Variants in FIGN observed in about 807,000 individuals in gnomAD.
The protein encoded by FIGN is fidgetin.
Under a neutral mutation model 51.3 loss-of-function variants are expected in FIGN, and 11 were observed. The ratio of observed to expected loss-of-function variants is 0.21; its 90% confidence interval spans 0.13 to 0.35. FIGN has a LOEUF of 0.35. Ranked by LOEUF, FIGN falls within the 10% of genes least tolerant of loss-of-function variation. The pLI, the probability that FIGN is intolerant of heterozygous loss-of-function variation, is 1.00. For missense variants in FIGN, 857 were observed against 943.6 expected, an observed-to-expected ratio of 0.91 and a Z score of 1.20; for synonymous variants, 407 against 363.2, an observed-to-expected ratio of 1.12 and a Z score of -1.37.
chr2:163,677,316 C>A (rs1297834901), intron 2 of FIGN, among the ~76,000 whole-genome samples: 1 of 152,168 alleles, frequency 6.6e-6, no homozygotes, highest in Non-Finnish European at 1.5e-5. Flanking sequence ...AACATCCAAG[C>A]AAATATGAAC....
At chr2:163,654,674 A>AT (rs1299053060) in intron 2 of FIGN, among the ~76,000 whole-genome samples, 1 of 152,144 alleles carries the variant, frequency 6.6e-6, no homozygotes, top group Non-Finnish European at 1.5e-5. Flanking sequence ...AGGCCGAGTT[A>AT]TTTTTCATAG....
rs755526237 is a variant in FIGN at position 163,610,178 on chromosome 2, C to A, written c.1654G>T (p.Gly552Cys). The A allele has an allele frequency of 6.2e-7, 1 of 1,614,084 alleles. No individual in the cohort carries two copies. The highest frequency in any genetic ancestry group is 8.5e-7 in the Non-Finnish European group (1 of 1,179,994). Residue 552 changes from glycine (G) to cysteine (C), a missense_variant, in exon 3 of 3, where the codon GGT becomes TGT. Physicochemically the swap from Gly to Cys is radical, Grantham distance 159. Coordinates refer to ENST00000333129, the MANE Select transcript of FIGN (RefSeq NM_018086.4). ...QLGATFFKIAGSGLVAKWLGE... is the reference protein window; with the variant it reads ...QLGATFFKIACSGLVAKWLGE... ...AACCACTTGGCGACTAGTCCAGAAC[C>A]GGCAATTTTGAAAAATGTGGCCCCC...
rs1277179615 is a variant in FIGN at position 163,647,622 on chromosome 2, TC to T, written c.26-35817del. Among the ~76,000 whole-genome samples, 21 of 152,322 alleles carry T rather than the reference TC, an allele frequency of 1.4e-4. 2 individuals are homozygous for T. In the Middle Eastern group the frequency reaches 0.024, roughly 173 times the overall value. On this transcript the variant is annotated intron_variant, in intron 2 of 2. Coordinates refer to ENST00000333129, the MANE Select transcript of FIGN (RefSeq NM_018086.4). Reference sequence around the variant, plus strand: ...CAGACTAGAACTTTAGGCTTCTGACTCCCAGTTCTGTGTTTTTCTTCCATAA... The same window carrying T: ...CAGACTAGAACTTTAGGCTTCTGACTCCAGTTCTGTGTTTTTCTTCCATAA...
intron 2 of FIGN, among the ~76,000 whole-genome samples, chr2:163,704,972 T>A (rs1230433115): frequency 2.0e-5 from 3 of 152,132 alleles, no homozygotes; most frequent in African/African-American, 7.2e-5. Context: ...CATTAAAATA[T>A]CCTCACAGAT....
In FIGN at chr2:163,660,808, TATATAC is replaced by T. The variant is rs1300429076; in HGVS notation, c.26-49008_26-49003del. Among the ~76,000 whole-genome samples the T allele has an allele frequency of 5.8e-4, 53 of 92,102 alleles. 13 individuals carry two copies. Among genetic ancestry groups the T allele is most frequent in the Non-Finnish European group, 9.7e-4 (48 of 49,682 alleles). 60.4% of individuals were successfully genotyped at this position (92,102 alleles called of 152,430 possible). A position where few individuals can be genotyped will look rare whatever the true frequency, so the allele number is the denominator to read the frequency against. On this transcript the variant is annotated intron_variant, in intron 2 of 2. Transcript: ENST00000333129. ...ATATATATGTATATAGATATACATA[TATATAC>T]ATATACATATATATGTATACATATA...
chr2:163,661,026 G>C (rs1683670491), intron 2 of FIGN, among the ~76,000 whole-genome samples: 1 of 141,182 alleles, frequency 7.1e-6, no homozygotes, highest in Non-Finnish European at 1.5e-5. Flanking sequence ...TGGTATTACA[G>C]GCGCCCGCCA....
chr2:163,726,194 A>C (rs918204539), intron 2 of FIGN, among the ~76,000 whole-genome samples: 6 of 152,126 alleles, frequency 3.9e-5, no homozygotes, highest in African/African-American at 1.4e-4. Context: ...CAGGCCATTC[A>C]GGGTCCCAAT....
chr2:163,712,547 T>C (rs564750933), intron 2 of FIGN, among the ~76,000 whole-genome samples: 10 of 152,294 alleles, frequency 6.6e-5, no homozygotes, highest in African/African-American at 2.4e-4. Flanking sequence ...AGATAACAAG[T>C]GCTATTTTAA....
At chr2:163,681,177 A>G (rs1199395987) in intron 2 of FIGN, among the ~76,000 whole-genome samples, 2 of 152,202 alleles carry the variant, frequency 1.3e-5, no homozygotes, top group Non-Finnish European at 2.9e-5. Flanking sequence ...GGGTCAATAA[A>G]TAGTTGTTGA....
Position 163,610,138 on chromosome 2 carries a change from T to C in FIGN, c.1694A>G (p.Lys565Arg), listed in dbSNP as rs2231905. 229 of 1,614,126 alleles carry C rather than the reference T, an allele frequency of 1.4e-4. No homozygotes were observed. In the African/African-American group the frequency reaches 3.0e-3, roughly 21 times the overall value. Residue 565 changes from lysine (K) to arginine (R), a missense_variant, in exon 3 of 3, where the codon AAA becomes AGA. Transcript: ENST00000333129. The part of the protein sequence containing the change: ...LVAKWLGEAE[K>R]IIHASFLVAR... ...CACAAGAAAAGAGGCATGGATAATTTTCTCTGCTTCTCCTAACCACTTGGC... is the reference window on the plus strand; with the variant it reads ...CACAAGAAAAGAGGCATGGATAATTCTCTCTGCTTCTCCTAACCACTTGGC...
intron 2 of FIGN, among the ~76,000 whole-genome samples, chr2:163,722,971 G>A (rs898870237): frequency 6.6e-6 from 1 of 151,720 alleles, no homozygotes; most frequent in Non-Finnish European, 1.5e-5. Flanking sequence ...CGGATCATGA[G>A]GTCAGGAGAT....
At position 163,604,390 on chromosome 2, in the gene FIGN, ATTTCT is replaced by A. The variant is rs1393088507; in HGVS notation, c.*5157_*5161del. On this transcript the variant is annotated 3_prime_UTR_variant, in exon 3 of 3. Coordinates refer to ENST00000333129, the MANE Select transcript of FIGN (RefSeq NM_018086.4). ...TCGATGAAGACCTACACAGTGCATA[ATTTCT>A]TTTAAGTTCTTTTAAGCAGTCTTGT... The A allele has an allele frequency of 2.6e-5, 4 of 152,066 alleles. No individual in the cohort carries two copies. Among genetic ancestry groups the A allele is most frequent in the Non-Finnish European group, 5.9e-5 (4 of 67,972 alleles). The allele number at this position is 152,066 out of a possible 1,614,324, so 9.4% of individuals were successfully genotyped here.
rs1005444649 is a variant in FIGN at position 163,607,247 on chromosome 2, C to T, written c.*2305G>A. On this transcript the variant is annotated 3_prime_UTR_variant, in exon 3 of 3. Transcript: ENST00000333129. ...TAATGTGGATATTAGAATTTCCTTA[C>T]AAGGGATGCACAGGGTAGACCCAGA... 2 of 152,180 alleles carry T rather than the reference C, an allele frequency of 1.3e-5. No homozygotes were observed. Among genetic ancestry groups the T allele is most frequent in the Non-Finnish European group, 2.9e-5 (2 of 68,036 alleles). 9.4% of individuals were successfully genotyped at this position (152,180 alleles called of 1,614,324 possible).
chr2:163,706,462 T>C (rs1036131817), intron 2 of FIGN, among the ~76,000 whole-genome samples: 1 of 152,158 alleles, frequency 6.6e-6, no homozygotes, highest in Non-Finnish European at 1.5e-5. Flanking sequence ...ATATTAAATG[T>C]GACTTCTTCT....
intron 2 of FIGN, among the ~76,000 whole-genome samples, chr2:163,627,186 C>T (rs1171135011): frequency 6.6e-6 from 1 of 152,098 alleles, no homozygotes; most frequent in African/African-American, 2.4e-5. Flanking sequence ...TCTATGGACT[C>T]GCCCAGAATT....
intron 2 of FIGN, among the ~76,000 whole-genome samples, chr2:163,716,243 A>C (rs1376793322): frequency 6.6e-6 from 1 of 152,224 alleles, no homozygotes; most frequent in Non-Finnish European, 1.5e-5. Flanking sequence ...GATGCTTCTG[A>C]ATCTTCCACA....
At chr2:163,730,379 A>G (rs1187423610) in intron 2 of FIGN, among the ~76,000 whole-genome samples, 1 of 152,216 alleles carries the variant, frequency 6.6e-6, no homozygotes, top group Non-Finnish European at 1.5e-5. Context: ...AAAAAGAAGA[A>G]AATGACAAAA....
chr2:163,711,044 G>GA (rs1278043618), intron 2 of FIGN, among the ~76,000 whole-genome samples: 6 of 151,728 alleles, frequency 4.0e-5, no homozygotes, highest in Non-Finnish European at 5.9e-5. Flanking sequence ...CACAACATAA[G>GA]AAAAAAAGCA....
intron 2 of FIGN, among the ~76,000 whole-genome samples, chr2:163,630,129 C>G (rs189989867): frequency 6.6e-6 from 1 of 151,376 alleles, no homozygotes; most frequent in African/African-American, 2.4e-5. Flanking sequence ...CCATGCCTAG[C>G]AAACTTTTTT....
Sources: gnomAD v4.1 joint callset for allele counts (sites outside exome capture counted in the v4.1 genomes callset) on GRCh38, gnomAD v4.1.1 for gene constraint, MANE v1.5 for transcripts, NCBI Gene and HGNC (gene_info 2026-07-23, HGNC 2026-07-21) for gene names.